PPP1R14C: variants seen among roughly 807,000 people sequenced by gnomAD.
PPP1R14C encodes the protein protein phosphatase 1 regulatory inhibitor subunit 14C, also known as protein phosphatase 1 regulatory subunit 14C.
Under a neutral mutation model 20.4 loss-of-function variants are expected in PPP1R14C, and 16 were observed. That is an observed-to-expected ratio of 0.78 (90% CI 0.53 to 1.19). PPP1R14C has a LOEUF of 1.19. PPP1R14C is among the 50% of genes most tolerant of loss of function. PPP1R14C has a pLI of 0.00. For synonymous variants in PPP1R14C, 91 were observed against 91.0 expected, an observed-to-expected ratio of 1.00 and a Z score of 0.00; for missense variants, 211 against 220.1, an observed-to-expected ratio of 0.96 and a Z score of 0.26.
At chr6:150,170,773 C>G (rs866237637) in intron 1 of PPP1R14C, among the ~76,000 whole-genome samples, 1 of 122,704 alleles carries the variant, frequency 8.1e-6, no homozygotes, top group African/African-American at 3.0e-5. Context: ...GGTTACAGTA[C>G]GACTCTTTTT....
At chr6:150,191,127 A>G (rs894272056) in intron 1 of PPP1R14C, among the ~76,000 whole-genome samples, 6 of 152,016 alleles carry the variant, frequency 3.9e-5, no homozygotes, top group African/African-American at 1.5e-4. Flanking sequence ...CTCTGTCTGG[A>G]ACGTTCTTCT....
intron 3 of PPP1R14C, among the ~76,000 whole-genome samples, chr6:150,232,297 A>G (rs1031446431): frequency 6.6e-6 from 1 of 152,012 alleles, no homozygotes; most frequent in Non-Finnish European, 1.5e-5. Flanking sequence ...TTGATTTTTA[A>G]GAGTTATTTA....
intron 1 of PPP1R14C, among the ~76,000 whole-genome samples, chr6:150,153,748 T>C (rs528328844): frequency 6.6e-6 from 1 of 152,290 alleles, no homozygotes; most frequent in Admixed American, 6.5e-5. Context: ...AGAACGTGGG[T>C]GGGTCTCTAA....
chr6:150,149,186 A>G (rs1777213725), intron 1 of PPP1R14C, among the ~76,000 whole-genome samples: 1 of 152,166 alleles, frequency 6.6e-6, no homozygotes, highest in African/African-American at 2.4e-5. Flanking sequence ...AGTGGTTACA[A>G]TGTGTGCTTT....
chr6:150,200,227 A>C (rs1218921880), intron 1 of PPP1R14C, among the ~76,000 whole-genome samples: 1 of 151,790 alleles, frequency 6.6e-6, no homozygotes, highest in Non-Finnish European at 1.5e-5. Flanking sequence ...ACACACACAC[A>C]ACACACACAT....
At chr6:150,188,463 A>G (rs916235312) in intron 1 of PPP1R14C, among the ~76,000 whole-genome samples, 6 of 150,722 alleles carry the variant, frequency 4.0e-5, no homozygotes, top group Non-Finnish European at 8.8e-5. Flanking sequence ...CGGTGTGGGA[A>G]CAGAAGAACA....
chr6:150,169,487 G>A (rs1777473969), intron 1 of PPP1R14C, among the ~76,000 whole-genome samples: 1 of 152,090 alleles, frequency 6.6e-6, no homozygotes, highest in South Asian at 2.1e-4. Flanking sequence ...CTCTGTATAT[G>A]GCAGAAAAAA....
chr6:150,193,124 T>C (rs1286284557), intron 1 of PPP1R14C, among the ~76,000 whole-genome samples: 2 of 152,128 alleles, frequency 1.3e-5, no homozygotes, highest in South Asian at 4.1e-4. Flanking sequence ...CTTTGATTCA[T>C]AGAGAGAAGG....
chr6:150,162,488 C>T (rs1421970086), intron 1 of PPP1R14C, among the ~76,000 whole-genome samples: 4 of 151,808 alleles, frequency 2.6e-5, no homozygotes, highest in Non-Finnish European at 5.9e-5. Context: ...ACACAATATA[C>T]ATTTAAGATT....
chr6:150,153,935 A>G (rs570054295), intron 1 of PPP1R14C, among the ~76,000 whole-genome samples: 81 of 152,314 alleles, frequency 5.3e-4, no homozygotes, highest in Non-Finnish European at 7.3e-4. Flanking sequence ...AAAAAGCTTC[A>G]CCCTTTTAAA....
In PPP1R14C at chr6:150,185,180, C is replaced by G. The variant is rs1332070132; in HGVS notation, c.307-29564C>G. Among the ~76,000 whole-genome samples, 1 of 152,200 alleles carries G rather than the reference C, an allele frequency of 6.6e-6. No homozygotes were observed. Among genetic ancestry groups the G allele is most frequent in the Non-Finnish European group, 1.5e-5 (1 of 68,048 alleles). ...TGCAACGGGTCCATTATTTACTCAA[C>G]TTCTTTCTTTATCGATTTCCTCATC... is the stretch of plus-strand genomic sequence containing the variant. On this transcript the variant is annotated intron_variant, in intron 1 of 3. Coordinates refer to ENST00000361131, the MANE Select transcript of PPP1R14C (RefSeq NM_030949.3). This position sits in a 1 kb window ranked among gnomAD's most constrained non-coding sequence, Gnocchi z 4.1.
At chr6:150,218,986 G>GTT (rs57690424) in intron 3 of PPP1R14C, among the ~76,000 whole-genome samples, 24,239 of 149,220 alleles carry the variant, frequency 0.16, 2,535 homozygotes, top group African/African-American at 0.29. Flanking sequence ...TGCATTTACT[G>GTT]TTTTTTTTTC....
chr6:150,227,794 G>A (rs1182822285), intron 3 of PPP1R14C, among the ~76,000 whole-genome samples: 1 of 152,224 alleles, frequency 6.6e-6, no homozygotes, highest in Non-Finnish European at 1.5e-5. Flanking sequence ...AGTGGCTGTA[G>A]CCACTGGCTA....
At chr6:150,176,599 A>G (rs1777565398) in intron 1 of PPP1R14C, among the ~76,000 whole-genome samples, 1 of 152,222 alleles carries the variant, frequency 6.6e-6, no homozygotes. Context: ...GTGTCTTTCT[A>G]CTGCTATTTT....
intron 3 of PPP1R14C, among the ~76,000 whole-genome samples, chr6:150,218,331 A>C (rs981160160): frequency 2.6e-5 from 4 of 152,116 alleles, no homozygotes; most frequent in Admixed American, 2.0e-4. Flanking sequence ...TGAACCTGGG[A>C]GGCGGAGCTT....
intron 3 of PPP1R14C, among the ~76,000 whole-genome samples, chr6:150,223,810 T>C (rs778008824): frequency 5.3e-5 from 8 of 152,206 alleles, no homozygotes; most frequent in Admixed American, 3.3e-4. Flanking sequence ...TCTCTTTTAA[T>C]TCTCTTGACA....
At chr6:150,148,458 T>A (rs1777203192) in intron 1 of PPP1R14C, among the ~76,000 whole-genome samples, 1 of 152,236 alleles carries the variant, frequency 6.6e-6, no homozygotes, top group South Asian at 2.1e-4. Flanking sequence ...GCTGCTGTTA[T>A]ACCTTGTAAA....
chr6:150,207,002 T>A (rs1182592347), intron 1 of PPP1R14C, among the ~76,000 whole-genome samples: 1 of 152,008 alleles, frequency 6.6e-6, no homozygotes, highest in East Asian at 1.9e-4. Flanking sequence ...GTAGCTGGGA[T>A]TACAGGCACA....
At chr6:150,200,816 T>A (rs2114897142) in intron 1 of PPP1R14C, among the ~76,000 whole-genome samples, 1 of 152,292 alleles carries the variant, frequency 6.6e-6, no homozygotes, top group South Asian at 2.1e-4. Context: ...ACAAGGAGTG[T>A]GGTCCCCTGA....
Sources: allele counts gnomAD v4.1 joint callset (sites outside exome capture counted in the v4.1 genomes callset), GRCh38; gene constraint gnomAD v4.1.1; non-coding constraint Gnocchi (gnomAD v3.1); transcripts MANE v1.5; gene names NCBI Gene and HGNC (gene_info 2026-07-23, HGNC 2026-07-21).